The following MYO5B variants were observed in gnomAD, a reference collection of about 807,000 sequenced individuals.
MYO5B encodes the protein myosin VB.
Under a neutral mutation model 229.3 loss-of-function variants are expected in MYO5B, and 143 were observed. The ratio of observed to expected loss-of-function variants is 0.62; its 90% CI spans 0.54 to 0.72. MYO5B has a LOEUF of 0.72. Ranked by LOEUF, MYO5B falls within the 30% of genes least tolerant of loss-of-function variation. The probability of loss-of-function intolerance (pLI) is 0.00; values close to 1 mark genes in which losing one functional copy is unlikely to be tolerated. For missense variants in MYO5B, 2,321 were observed against 2,331.0 expected, an observed-to-expected ratio of 1.00 and a Z score of 0.09; for synonymous variants, 918 against 885.2, an observed-to-expected ratio of 1.04 and a Z score of -0.66.
intron 15 of MYO5B, among the ~76,000 whole-genome samples, chr18:49,936,571 A>G (rs1324907265): frequency 6.6e-6 from 1 of 152,126 alleles, no homozygotes; most frequent in Non-Finnish European, 1.5e-5. Context: ...CTTGAATTAC[A>G]TGGGGGACAG....
chr18:49,955,920 G>A (rs546801603), intron 12 of MYO5B, among the ~76,000 whole-genome samples: 1 of 152,354 alleles, frequency 6.6e-6, no homozygotes, highest in Non-Finnish European at 1.5e-5. Context: ...CAAAACTGGG[G>A]CAGACAGAAC....
chr18:50,019,563 G>A (rs1308783666), intron 4 of MYO5B, among the ~76,000 whole-genome samples: 2 of 152,216 alleles, frequency 1.3e-5, no homozygotes, highest in African/African-American at 4.8e-5. Context: ...TGCCATAATG[G>A]CTTGATGTGA....
At chr18:49,947,370 G>T (rs928083401) in intron 14 of MYO5B, among the ~76,000 whole-genome samples, 3 of 151,996 alleles carry the variant, frequency 2.0e-5, no homozygotes, top group African/African-American at 7.2e-5. Context: ...CTCCCGAAGT[G>T]CTGGGATTAC....
intron 5 of MYO5B, among the ~76,000 whole-genome samples, chr18:49,997,939 G>C (rs954745285): frequency 4.6e-5 from 7 of 152,152 alleles, no homozygotes; most frequent in Admixed American, 4.6e-4. Flanking sequence ...TCAGTAATCA[G>C]CTGTCTGTCC....
intron 1 of MYO5B, among the ~76,000 whole-genome samples, chr18:50,111,397 G>C (rs1328993215): frequency 6.6e-6 from 1 of 152,254 alleles, no homozygotes; most frequent in Non-Finnish European, 1.5e-5. Flanking sequence ...CAGATTGAAA[G>C]ATACACACCC....
chr18:50,117,740 C>A (rs1225182156), intron 1 of MYO5B, among the ~76,000 whole-genome samples: 1 of 152,144 alleles, frequency 6.6e-6, no homozygotes, highest in Non-Finnish European at 1.5e-5. Context: ...TTCCCAGCTT[C>A]GGCTCACAAA....
chr18:50,134,255 G>A (rs995217438), intron 1 of MYO5B, among the ~76,000 whole-genome samples: 15 of 152,042 alleles, frequency 9.9e-5, no homozygotes. Flanking sequence ...TAGTGATTAA[G>A]GGATAAAAAT....
intron 4 of MYO5B, among the ~76,000 whole-genome samples, chr18:50,032,360 A>G (rs1236635804): frequency 6.6e-6 from 1 of 152,214 alleles, no homozygotes; most frequent in Non-Finnish European, 1.5e-5. Flanking sequence ...CTCAGAAATC[A>G]TGCTTCATTT....
chr18:49,829,805 AT>A (rs1445837367), intron 39 of MYO5B, among the ~76,000 whole-genome samples: 1 of 152,230 alleles, frequency 6.6e-6, no homozygotes, highest in Non-Finnish European at 1.5e-5. Context: ...AAATCAATCA[AT>A]GTAATATACC....
chr18:49,987,317 A>G (rs2025880939), intron 7 of MYO5B, among the ~76,000 whole-genome samples: 1 of 152,180 alleles, frequency 6.6e-6, no homozygotes, highest in African/African-American at 2.4e-5. Context: ...AAGGTCTGCC[A>G]TCAACTCCGT....
chr18:50,095,576 C>G (rs1240900892), intron 1 of MYO5B, among the ~76,000 whole-genome samples: 1 of 152,146 alleles, frequency 6.6e-6, no homozygotes, highest in African/African-American at 2.4e-5. Context: ...TGCACTGAGC[C>G]CTTAGACACA....
At chr18:50,018,749 A>G (rs1266144722) in intron 4 of MYO5B, among the ~76,000 whole-genome samples, 1 of 152,186 alleles carries the variant, frequency 6.6e-6, no homozygotes, top group Non-Finnish European at 1.5e-5. Context: ...TCTTACGATG[A>G]TAAAGGGGGA....
Position 49,958,707 on chromosome 18 carries a change from C to T in MYO5B, c.1545+3559G>A, listed in dbSNP as rs2025523782. ...CTCGCTGTCTCCACTGCCTCACCTC[C>T]TGCTCTCCTCAAATTACTGAAATTA... On this transcript the variant is annotated intron_variant, in intron 12 of 39. Coordinates refer to ENST00000285039, the MANE Select transcript of MYO5B (RefSeq NM_001080467.3). Among the ~76,000 whole-genome samples the T allele has an allele frequency of 5.3e-5, 8 of 152,178 alleles. No homozygotes were observed. The South Asian group carries it at 1.7e-3, about 32-fold the overall frequency.
intron 1 of MYO5B, among the ~76,000 whole-genome samples, chr18:50,118,527 G>A (rs1470758923): frequency 6.6e-6 from 1 of 152,028 alleles, no homozygotes; most frequent in Non-Finnish European, 1.5e-5. Context: ...GACTCAATTT[G>A]CATTTCTTTT....
At chr18:50,073,664 T>A (rs1248887210) in intron 1 of MYO5B, among the ~76,000 whole-genome samples, 1 of 152,268 alleles carries the variant, frequency 6.6e-6, no homozygotes, top group Non-Finnish European at 1.5e-5. Context: ...ATATCCAACT[T>A]AGTGCCCTTA....
chr18:50,102,733 T>TAAAA lies in MYO5B; in HGVS notation c.28-47359_28-47356dup, dbSNP rs112311931. Among the ~76,000 whole-genome samples the TAAAA allele has an allele frequency of 9.5e-3, 1,396 of 147,370 alleles. 25 individuals carry two copies. The highest frequency in any genetic ancestry group is 0.033 in the African/African-American group (1,314 of 40,220). Reference sequence around the variant, plus strand: ...ATCTCTAACCTCAGAACCAATGAATTAAAAAAAAAAATCCCCAGTGTTCTA... The same window carrying TAAAA: ...ATCTCTAACCTCAGAACCAATGAATTAAAAAAAAAAAAAAATCCCCAGTGTTCTA... On this transcript the variant is annotated intron_variant, in intron 1 of 39. Transcript: ENST00000285039.
At chr18:49,980,641 TAA>T in intron 8 of MYO5B, 88 bp from the exon 9 acceptor site, 1 of 952,078 alleles carries the variant, frequency 1.1e-6, no homozygotes, top group Non-Finnish European at 1.7e-6. Flanking sequence ...TTTTTTTTTT[TAA>T]TAAGGTTTGA....
chr18:50,098,204 G>A (rs1000432623), intron 1 of MYO5B, among the ~76,000 whole-genome samples: 7 of 152,118 alleles, frequency 4.6e-5, no homozygotes, highest in African/African-American at 1.4e-4. Context: ...CTTACTTAGG[G>A]GTATACTTCA....
At chr18:49,996,266 T>A (rs1208802915) in intron 5 of MYO5B, among the ~76,000 whole-genome samples, 2 of 152,162 alleles carry the variant, frequency 1.3e-5, no homozygotes, top group African/African-American at 2.4e-5. Flanking sequence ...GAAAATCGGG[T>A]ATATCTAGTA....
Sources: allele counts gnomAD v4.1 joint callset (sites outside exome capture counted in the v4.1 genomes callset), GRCh38; gene constraint gnomAD v4.1.1; transcripts MANE v1.5; gene names NCBI Gene and HGNC (gene_info 2026-07-23, HGNC 2026-07-21).